Variants in NAA16 observed in about 807,000 individuals in gnomAD.
NAA16 encodes NARG1-like protein.
NAA16 carries 97 observed loss-of-function variants against 110.3 expected under a neutral mutation model. The ratio of observed to expected loss-of-function variants is 0.88; its 90% confidence interval spans 0.75 to 1.04. The LOEUF (loss-of-function observed/expected upper bound fraction) is 1.04. Among genes scored for constraint, NAA16 ranks in the 50% least tolerant of loss-of-function variants. NAA16 has a pLI of 0.00. For missense variants in NAA16, 1,017 were observed against 1,005.1 expected, an observed-to-expected ratio of 1.01 and a Z score of -0.16; for synonymous variants, 372 against 330.6, an observed-to-expected ratio of 1.13 and a Z score of -1.36.
chr13:41,358,161 T>C, intron 10 of NAA16, 143 bp from the exon 11 acceptor site: 1 of 719,482 alleles, frequency 1.4e-6, no homozygotes. Context: ...GTCATACCTC[T>C]TTCTTTTGAA....
At chr13:41,327,951 A>G (rs1046610448) in intron 6 of NAA16, 1 of 152,104 alleles carries the variant, frequency 6.6e-6, no homozygotes, top group East Asian at 1.9e-4. Flanking sequence ...GCCTCCTCCA[A>G]CATGATGAAA....
intron 9 of NAA16, among the ~76,000 whole-genome samples, chr13:41,341,085 T>A (rs2042532656): frequency 6.6e-6 from 1 of 152,192 alleles, no homozygotes; most frequent in Admixed American, 6.5e-5. Flanking sequence ...AGTTATGCGG[T>A]CAATTTTAGA....
intron 9 of NAA16, among the ~76,000 whole-genome samples, chr13:41,347,132 C>G (rs768865440): frequency 6.6e-6 from 1 of 150,542 alleles, no homozygotes; most frequent in Non-Finnish European, 1.5e-5. Context: ...AGGAGAATCA[C>G]TTGAACCCAG....
chr13:41,325,812 A>G lies in NAA16; in HGVS notation c.652A>G (p.Lys218Glu). 1.9e-6 allele frequency: 3 copies of G among 1,609,218 alleles called. No individual in the cohort carries two copies. The highest frequency in any genetic ancestry group is 1.7e-5 in the Admixed American group (1 of 59,544). ...ESLEHIEMYE[K>E]QICDKLLVEE... ...TTTGGAACATATAGAAATGTATGAGAAACAAATATGTGATAAACTTTTGGT... is the reference window on the plus strand; with the variant it reads ...TTTGGAACATATAGAAATGTATGAGGAACAAATATGTGATAAACTTTTGGT... The change falls in exon 6 of 20, where the codon AAA becomes GAA. Residue 218 changes from lysine to glutamate, a missense_variant. Transcript: ENST00000379406.
intron 4 of NAA16, among the ~76,000 whole-genome samples, chr13:41,322,631 G>T (rs377759756): frequency 2.0e-5 from 3 of 152,212 alleles, no homozygotes; most frequent in Admixed American, 6.5e-5. Flanking sequence ...TGGGTGTTTC[G>T]CCTGGCTGTG....
At chr13:41,347,774 A>G (rs751309316) in intron 9 of NAA16, among the ~76,000 whole-genome samples, 1 of 152,224 alleles carries the variant, frequency 6.6e-6, no homozygotes, top group African/African-American at 2.4e-5. Context: ...TATGTGCAAC[A>G]TCATGTCATC....
intron 9 of NAA16, among the ~76,000 whole-genome samples, chr13:41,350,965 TTG>T (rs2139470612): frequency 6.6e-6 from 1 of 152,242 alleles, no homozygotes; most frequent in East Asian, 1.9e-4. Flanking sequence ...GAGGTGTACA[TTG>T]ATTTGGGACT....
Position 41,336,693 on chromosome 13 carries a change from C to T in NAA16, c.951C>T (p.Asn317=). The T allele has an allele frequency of 6.2e-7, 1 of 1,609,760 alleles. No individual in the cohort carries two copies. The part of the protein sequence containing the change: ...RELMDKFLRV[N]FSKGCPPLFT... ...TAATGGATAAGTTCCTGAGGGTTAA[C>T]TTCAGTAAAGGCTGCCCACCCTTGT... Residue 317 remains asparagine, a synonymous_variant, in exon 9 of 20, where the codon AAC becomes AAT. Coordinates refer to ENST00000379406, the MANE Select transcript of NAA16 (RefSeq NM_024561.5).
chr13:41,336,778 G>C, intron 9 of NAA16, 22 bp downstream of exon 9: 1 of 1,369,380 alleles, frequency 7.3e-7, no homozygotes. Context: ...TATTTATTCA[G>C]ATTTGCTATA....
chr13:41,317,473 C>T (rs1014884329), intron 2 of NAA16, among the ~76,000 whole-genome samples: 1 of 151,926 alleles, frequency 6.6e-6, no homozygotes, highest in African/African-American at 2.4e-5. Flanking sequence ...TCAGTAACAG[C>T]CAGTGTTAGA....
intron 1 of NAA16, among the ~76,000 whole-genome samples, chr13:41,316,071 A>G (rs1308257591): frequency 6.6e-6 from 1 of 152,162 alleles, no homozygotes. Context: ...TCTGTGTACT[A>G]GGAAAGGGAA....
At chr13:41,351,839 A>G (rs1323732066) in intron 9 of NAA16, among the ~76,000 whole-genome samples, 1 of 152,178 alleles carries the variant, frequency 6.6e-6, no homozygotes, top group Non-Finnish European at 1.5e-5. Flanking sequence ...ACTTAAGTGG[A>G]TTGGCTTTCT....
In NAA16 at chr13:41,369,197, C is replaced by T; in HGVS notation, c.1861C>T (p.Gln621Ter). 1 of 1,594,568 alleles carries T rather than the reference C, an allele frequency of 6.3e-7. No individual in the cohort carries two copies. The highest frequency in any genetic ancestry group is 8.5e-7 in the Non-Finnish European group (1 of 1,170,778). The change falls in exon 15 of 20, where the codon CAG becomes TAG. Residue 621 changes from glutamine (Q) to a stop codon, truncating the protein, a stop_gained. Coordinates refer to ENST00000379406, the MANE Select transcript of NAA16 (RefSeq NM_024561.5). LOFTEE classifies it high-confidence loss of function. The stretch of plus-strand genomic sequence containing the variant: ...AAAGCATGCAGAAAGAGAACGTCAA[C>T]AGAAAAATCAAAAGAAAAAAAGAGA... ...ERKHAERERQ[Q>*]KNQKKKRDEE...
intron 1 of NAA16, among the ~76,000 whole-genome samples, chr13:41,311,829 T>C (rs1234701319): frequency 1.3e-5 from 2 of 152,164 alleles, no homozygotes; most frequent in Non-Finnish European, 2.9e-5. Flanking sequence ...CCGCGCTCTT[T>C]CCAGAAACTT....
intron 6 of NAA16, chr13:41,328,094 G>A (rs2042140645): frequency 6.6e-6 from 1 of 151,992 alleles, no homozygotes; most frequent in South Asian, 2.1e-4. Flanking sequence ...TGGATTAGGT[G>A]TGTTTCCATC....
At chr13:41,360,827 G>T (rs528829393) in intron 12 of NAA16, among the ~76,000 whole-genome samples, 141 of 152,204 alleles carry the variant, frequency 9.3e-4, no homozygotes, top group African/African-American at 3.4e-3. Flanking sequence ...GATACATGTT[G>T]GATAGTTCTA....
chr13:41,375,832 GTATAAT>G lies in NAA16; in HGVS notation c.*238_*243del, dbSNP rs1475237152. 1 of 365,064 alleles carries G rather than the reference GTATAAT, an allele frequency of 2.7e-6. No homozygotes were observed. Among genetic ancestry groups the G allele is most frequent in the Non-Finnish European group, 4.9e-6 (1 of 204,842 alleles). 22.6% of individuals were successfully genotyped at this position (365,064 alleles called of 1,614,324 possible). On this transcript the variant is annotated 3_prime_UTR_variant, in exon 20 of 20. Transcript: ENST00000379406. ...TTTTGTGGTAGCTCCGATCGCTTCT[GTATAAT>G]TATAATTTCTTACTAAGCTAAGTTG...
chr13:41,318,884 T>G lies in NAA16; in HGVS notation c.218T>G (p.Leu73Arg), dbSNP rs748017825. The G allele has an allele frequency of 6.2e-7, 1 of 1,601,726 alleles. No individual in the cohort carries two copies. Among genetic ancestry groups the G allele is most frequent in the South Asian group, 1.1e-5 (1 of 88,906 alleles). The change falls in exon 3 of 20, where the codon CTT becomes CGT. Residue 73 changes from leucine (L) to arginine (R), a missense_variant. Coordinates refer to ENST00000379406, the MANE Select transcript of NAA16 (RefSeq NM_024561.5). Reference protein sequence around the residue: ...EEAYEFVRKGLRNDVKSHVCW... With the variant: ...EEAYEFVRKGRRNDVKSHVCW... ...GCTTATGAGTTTGTTCGTAAAGGACTTCGTAATGATGTCAAGAGTCATGTC... is the reference window on the plus strand; with the variant it reads ...GCTTATGAGTTTGTTCGTAAAGGACGTCGTAATGATGTCAAGAGTCATGTC...
chr13:41,358,761 T>C, intron 11 of NAA16, 49 bp from the exon 12 acceptor site: 1 of 1,528,268 alleles, frequency 6.5e-7, no homozygotes, highest in Non-Finnish European at 8.8e-7. Flanking sequence ...TTTATTGTAC[T>C]CATATTCTCT....
Sources: allele counts gnomAD v4.1 joint callset (sites outside exome capture counted in the v4.1 genomes callset), GRCh38; gene constraint gnomAD v4.1.1; transcripts MANE v1.5; gene names NCBI Gene and HGNC (gene_info 2026-07-23, HGNC 2026-07-21).